Variants in MMP20 observed in about 807,000 individuals in gnomAD.
MMP20 encodes matrix metalloproteinase-20.
MMP20 carries 50 observed loss-of-function variants against 51.8 expected under a neutral mutation model. The ratio of observed to expected loss-of-function variants is 0.97; its 90% CI spans 0.77 to 1.22. The LOEUF is 1.22. Ranked by LOEUF, MMP20 falls within the 50% of genes most tolerant of loss-of-function variation. The pLI, the probability that MMP20 is intolerant of heterozygous loss-of-function variation, is 0.00. For synonymous variants in MMP20, 244 were observed against 216.2 expected (o/e 1.13, Z -1.13); for missense variants, 663 against 601.4 (o/e 1.10, Z -1.07).
At chr11:102,616,555 A>T (rs1271479082) in intron 2 of MMP20, among the ~76,000 whole-genome samples, 1 of 152,198 alleles carries the variant, frequency 6.6e-6, no homozygotes, top group East Asian at 1.9e-4. Context: ...TAGATTAAAG[A>T]TAATTGTGTT....
chr11:102,578,692 C>T (rs985306801), intron 9 of MMP20, among the ~76,000 whole-genome samples: 8 of 152,086 alleles, frequency 5.3e-5, no homozygotes, highest in Admixed American at 2.0e-4. Context: ...GCAGAGATCG[C>T]GCCACTGCAG....
At chr11:102,616,506 A>C (rs1289703743) in intron 2 of MMP20, among the ~76,000 whole-genome samples, 1 of 152,222 alleles carries the variant, frequency 6.6e-6, no homozygotes, top group African/African-American at 2.4e-5. Context: ...GGTTGTTTTA[A>C]GAAAACTGGT....
chr11:102,600,346 T>C (rs1258714320), intron 6 of MMP20, among the ~76,000 whole-genome samples: 5 of 152,224 alleles, frequency 3.3e-5, no homozygotes, highest in Admixed American at 3.3e-4. Context: ...TCTTCAAACA[T>C]GAACAGTTCC....
At position 102,607,163 on chromosome 11, in the gene MMP20, T is replaced by C. The variant is rs577725428; in HGVS notation, c.812-487A>G. ...GTGTTTTCCTATTATTTTCATAGAC[T>C]CCTTGGCATCCTGCCCTGTGCTTTT... is the stretch of plus-strand genomic sequence containing the variant. On this transcript the variant is annotated intron_variant, in intron 5 of 9. Transcript: ENST00000260228. 135 of 179,578 alleles carry C rather than the reference T, an allele frequency of 7.5e-4. 1 individual carries two copies. The highest frequency in any genetic ancestry group is 3.1e-3 in the African/African-American group (128 of 41,834). 11.1% of individuals were successfully genotyped at this position (179,578 alleles called of 1,614,324 possible).
intron 6 of MMP20, among the ~76,000 whole-genome samples, chr11:102,600,875 C>T (rs1859437429): frequency 6.6e-6 from 1 of 152,106 alleles, no homozygotes; most frequent in Non-Finnish European, 1.5e-5. Context: ...GCCACTCAGT[C>T]CCTTTTCTTC....
At chr11:102,584,644 C>A (rs1859234235) in intron 8 of MMP20, among the ~76,000 whole-genome samples, 1 of 152,040 alleles carries the variant, frequency 6.6e-6, no homozygotes, top group Non-Finnish European at 1.5e-5. Context: ...TCCAACTTGT[C>A]CTTTTTTTCT....
chr11:102,589,819 AT>A (rs1275064810), intron 8 of MMP20, among the ~76,000 whole-genome samples: 4 of 152,172 alleles, frequency 2.6e-5, no homozygotes, highest in Non-Finnish European at 5.9e-5. Context: ...AAAAAACAAG[AT>A]TTTTGAACCC....
intron 6 of MMP20, among the ~76,000 whole-genome samples, chr11:102,604,914 T>C (rs1374176809): frequency 6.6e-6 from 1 of 152,212 alleles, no homozygotes; most frequent in Non-Finnish European, 1.5e-5. Context: ...TCTAGCTCTC[T>C]ATCCAGAGAA....
At chr11:102,602,116 A>ATTT (rs10593493) in intron 6 of MMP20, among the ~76,000 whole-genome samples, 6 of 109,660 alleles carry the variant, frequency 5.5e-5, no homozygotes, top group African/African-American at 1.1e-4. Context: ...CGCCCGGCTA[A>ATTT]TTTTTTTTTT....
chr11:102,618,444 T>C (rs915315290), intron 1 of MMP20, among the ~76,000 whole-genome samples: 7 of 151,690 alleles, frequency 4.6e-5, no homozygotes, highest in Non-Finnish European at 5.9e-5. Context: ...TATATAAAGA[T>C]AATAAGTAAT....
At chr11:102,601,864 C>A (rs941805815) in intron 6 of MMP20, among the ~76,000 whole-genome samples, 1 of 152,128 alleles carries the variant, frequency 6.6e-6, no homozygotes, top group Non-Finnish European at 1.5e-5. Context: ...ACTGGTGAGT[C>A]CTCAGAATGC....
intron 1 of MMP20, among the ~76,000 whole-genome samples, chr11:102,619,670 C>T (rs1248468640): frequency 4.6e-5 from 7 of 151,992 alleles, no homozygotes; most frequent in Non-Finnish European, 8.8e-5. Context: ...TAATCCTGGC[C>T]CTGAATCATA....
chr11:102,610,367 C>T (rs1428360310), intron 3 of MMP20, among the ~76,000 whole-genome samples: 7 of 137,512 alleles, frequency 5.1e-5, no homozygotes, highest in Admixed American at 7.1e-5. Context: ...TGGGGCGGGG[C>T]GGGGCGGCGG....
At chr11:102,596,373 G>T (rs1281915134) in intron 6 of MMP20, among the ~76,000 whole-genome samples, 1 of 152,188 alleles carries the variant, frequency 6.6e-6, no homozygotes, top group Non-Finnish European at 1.5e-5. Flanking sequence ...TAACTCCACT[G>T]CTGACCAGCC....
chr11:102,611,140 T>C (rs895223242), intron 3 of MMP20, among the ~76,000 whole-genome samples: 9 of 152,314 alleles, frequency 5.9e-5, no homozygotes, highest in Admixed American at 4.6e-4. Flanking sequence ...CCCAGTGACA[T>C]CAGATTAAAA....
At chr11:102,598,706 T>G (rs1308437812) in intron 6 of MMP20, among the ~76,000 whole-genome samples, 1 of 152,226 alleles carries the variant, frequency 6.6e-6, no homozygotes, top group Admixed American at 6.5e-5. Flanking sequence ...GCATCATGTA[T>G]TATTCATCTT....
At chr11:102,618,328 T>C (rs962558336) in intron 1 of MMP20, among the ~76,000 whole-genome samples, 1 of 151,520 alleles carries the variant, frequency 6.6e-6, no homozygotes, top group Non-Finnish European at 1.5e-5. Flanking sequence ...TGTTTATTTA[T>C]TAGATATAAA....
intron 2 of MMP20, among the ~76,000 whole-genome samples, chr11:102,613,238 T>A (rs1038237127): frequency 3.3e-5 from 5 of 152,120 alleles, no homozygotes; most frequent in Admixed American, 3.3e-4. Flanking sequence ...GGTCTGGGGA[T>A]TTCTGGCAGC....
intron 8 of MMP20, among the ~76,000 whole-genome samples, chr11:102,589,610 A>T (rs1249481616): frequency 6.6e-6 from 1 of 152,184 alleles, no homozygotes; most frequent in Non-Finnish European, 1.5e-5. Context: ...AAACAGACAG[A>T]AAGGTGATCC....
Sources: gnomAD v4.1 joint callset for allele counts (sites outside exome capture counted in the v4.1 genomes callset) on GRCh38, gnomAD v4.1.1 for gene constraint, MANE v1.5 for transcripts, NCBI Gene and HGNC (gene_info 2026-07-23, HGNC 2026-07-21) for gene names.